The following LSS variants were observed in gnomAD, a reference collection of about 807,000 sequenced individuals.
LSS encodes 2,3-epoxysqualene-lanosterol cyclase.
Under a neutral mutation model 110.3 loss-of-function variants are expected in LSS, and 90 were observed. The observed-to-expected ratio is 0.82, with a 90% confidence interval of 0.69 to 0.97. The LOEUF (loss-of-function observed/expected upper bound fraction) is 0.97. Ranked by LOEUF, LSS falls within the 50% of genes least tolerant of loss-of-function variation. LSS has a pLI of 0.00. For synonymous variants in LSS, 433 were observed against 400.0 expected (o/e 1.08, Z -0.98); for missense variants, 927 against 990.0 (o/e 0.94, Z 0.85).
At chr21:46,219,884 G>A (rs1006288869) in intron 5 of LSS, among the ~76,000 whole-genome samples, 1 of 152,218 alleles carries the variant, frequency 6.6e-6, no homozygotes, top group Non-Finnish European at 1.5e-5. Flanking sequence ...GGAAGGTCCA[G>A]GGACACCTCA....
In LSS at chr21:46,212,021, C is replaced by G. The variant is rs1198867909; in HGVS notation, c.1137+1004G>C. 2.0e-5 allele frequency among the ~76,000 whole-genome samples: 3 copies of G among 151,094 alleles called. No individual in the cohort carries two copies. The East Asian group carries it at 5.9e-4, about 30-fold the overall frequency. On this transcript the variant is annotated intron_variant, in intron 11 of 21. Transcript: ENST00000397728. Reference sequence around the variant, plus strand: ...CAGACGCCCTCATCAGCTTGAGGTGCACTGATGAGTCGGTGCTGAGGGAGC... The same window carrying G: ...CAGACGCCCTCATCAGCTTGAGGTGGACTGATGAGTCGGTGCTGAGGGAGC...
At chr21:46,195,185 C>T (rs376944450) in intron 19 of LSS, among the ~76,000 whole-genome samples, 1 of 152,234 alleles carries the variant, frequency 6.6e-6, no homozygotes, top group South Asian at 2.1e-4. Context: ...GGGCCGGAGA[C>T]CAGAAGCGTC....
Position 46,190,818 on chromosome 21 carries a change from T to G in LSS, c.*286A>C. On this transcript the variant is annotated 3_prime_UTR_variant, in exon 22 of 22. Coordinates refer to ENST00000397728, the MANE Select transcript of LSS (RefSeq NM_002340.6). This position sits in a 1 kb window ranked among gnomAD's most constrained non-coding sequence, Gnocchi z 4.6. The stretch of plus-strand genomic sequence containing the variant: ...ACTACCTTGAGGCCGTGCCCAGAGG[T>G]GGCAGAAGGCGCTGTGCCTCCTCAG... The G allele has an allele frequency of 6.9e-6, 3 of 434,088 alleles. No homozygotes were observed. Among genetic ancestry groups the G allele is most frequent in the Non-Finnish European group, 4.2e-6 (1 of 240,408 alleles). The allele number at this position is 434,088 out of a possible 1,614,324, so 26.9% of individuals were successfully genotyped here. A position where few individuals can be genotyped will look rare whatever the true frequency, so the allele number is the denominator to read the frequency against.
intron 3 of LSS, among the ~76,000 whole-genome samples, chr21:46,225,588 G>A (rs1160917918): frequency 1.3e-5 from 2 of 152,174 alleles, no homozygotes; most frequent in Non-Finnish European, 2.9e-5. Context: ...CAGTGGTCAC[G>A]CTCCTAGTCC....
intron 20 of LSS, chr21:46,193,643 C>G (rs901166957): frequency 6.7e-6 from 3 of 444,666 alleles, no homozygotes; most frequent in African/African-American, 2.1e-5. Flanking sequence ...GTGCATCTGT[C>G]TCCATGTACC....
intron 18 of LSS, 28 bp from the exon 19 acceptor site, chr21:46,195,784 C>A: frequency 6.3e-7 from 1 of 1,576,518 alleles, no homozygotes. Context: ...GAGCCTCAGC[C>A]CTTCCACCCT....
intron 3 of LSS, among the ~76,000 whole-genome samples, chr21:46,224,466 C>T (rs1389972275): frequency 6.6e-6 from 1 of 152,128 alleles, no homozygotes; most frequent in Admixed American, 6.5e-5. Flanking sequence ...GGGAGAGACC[C>T]ACCGACCCTG....
intron 3 of LSS, 122 bp from the exon 4 acceptor site, chr21:46,222,860 C>T: frequency 1.4e-6 from 1 of 707,058 alleles, no homozygotes; most frequent in Non-Finnish European, 2.4e-6. Flanking sequence ...AAAAACACCC[C>T]CTGGAAAGGC....
intron 20 of LSS, 29 bp from the exon 21 acceptor site, chr21:46,191,988 C>T (rs1355775186): frequency 6.6e-7 from 1 of 1,512,064 alleles, no homozygotes; most frequent in Non-Finnish European, 9.2e-7. Flanking sequence ...GAAACACACC[C>T]AGCATGCATG....
chr21:46,196,397 T>A, intron 17 of LSS, 130 bp from the exon 18 acceptor site: 1 of 731,312 alleles, frequency 1.4e-6, no homozygotes, highest in Admixed American at 2.3e-5. Context: ...ATAAACAGTT[T>A]ACACAGACCG....
Position 46,209,694 on chromosome 21 carries a change from C to A in LSS, c.1195-69G>T. ...GGCCAGCATGGCTGCGCTGGTTTCC[C>A]GATGGTCCTGGCCACATCCTGCCCC... is the stretch of plus-strand genomic sequence containing the variant. On this transcript the variant is annotated intron_variant, in intron 12 of 21. Transcript: ENST00000397728. The surrounding 1 kb of genome is among the most constrained non-coding windows in gnomAD (Gnocchi z 4.4). The A allele has an allele frequency of 3.6e-6, 5 of 1,408,270 alleles. No homozygotes were observed. Among genetic ancestry groups the A allele is most frequent in the East Asian group, 4.8e-5 (2 of 41,518 alleles). 87.2% of individuals were successfully genotyped at this position (1,408,270 alleles called of 1,614,324 possible). A position where few individuals can be genotyped will look rare whatever the true frequency, so the allele number is the denominator to read the frequency against.
rs1434253320 is a variant in LSS, at chr21:46,188,552, A to G, written c.*2552T>C. ...CTTGGTGGTGTCCTTTGTCAAGAGC[A>G]TGTCAGGGTGATGAGTCATCTGGGA... is the stretch of plus-strand genomic sequence containing the variant. On this transcript the variant is annotated 3_prime_UTR_variant, in exon 22 of 22. Coordinates refer to ENST00000397728, the MANE Select transcript of LSS (RefSeq NM_002340.6). 1 of 454,750 alleles carries G rather than the reference A, an allele frequency of 2.2e-6. No homozygotes were observed. Among genetic ancestry groups the G allele is most frequent in the East Asian group, 7.0e-5 (1 of 14,304 alleles). The allele number at this position is 454,750 out of a possible 1,614,324, so 28.2% of individuals were successfully genotyped here.
chr21:46,221,816 A>G, intron 5 of LSS, 38 bp downstream of exon 5: 2 of 1,612,804 alleles, frequency 1.2e-6, no homozygotes, highest in Non-Finnish European at 1.7e-6. Context: ...TCGAGTTGAC[A>G]CGAACCCCTG....
Position 46,221,936 on chromosome 21 carries a change from G to C in LSS, c.468C>G (p.Leu156=). The part of the protein sequence containing the change: ...EDKSTVFGTA[L]NYVSLRILGV... Reference sequence around the variant, plus strand: ...CCAGAATTCTGAGAGACACATAGTTGAGCGCAGTCCCAAACACGGTGGACT... The same window carrying C: ...CCAGAATTCTGAGAGACACATAGTTCAGCGCAGTCCCAAACACGGTGGACT... Residue 156 remains leucine (L), a synonymous_variant, in exon 5 of 22, where the codon CTC becomes CTG. Coordinates refer to ENST00000397728, the MANE Select transcript of LSS (RefSeq NM_002340.6). 6.2e-7 allele frequency: 1 copy of C among 1,614,176 alleles called. No individual in the cohort carries two copies. The highest frequency in any genetic ancestry group is 8.5e-7 in the Non-Finnish European group (1 of 1,180,012).
chr21:46,210,688 C>T lies in LSS; in HGVS notation c.1194G>A (p.Glu398=), dbSNP rs2123731194. 2 of 1,613,902 alleles carry T rather than the reference C, an allele frequency of 1.2e-6. No individual in the cohort carries two copies. The highest frequency in any genetic ancestry group is 1.1e-5 in the South Asian group (1 of 91,042). ...TGAGAAAAGAGAAGGAGCCACGAAC[C>T]TCAAGCAGAGCCTGGATGGCGAATG... ...DTAFAIQALL[E]AGGHHRPEFS... Residue 398 remains glutamate, a splice_region_variant and synonymous_variant, in exon 12 of 22, where the codon GAG becomes GAA. Coordinates refer to ENST00000397728, the MANE Select transcript of LSS (RefSeq NM_002340.6).
At position 46,228,757 on chromosome 21, in the gene LSS, T is replaced by C. The variant is rs2080392834; in HGVS notation, c.-12A>G. 1 of 1,584,570 alleles carries C rather than the reference T, an allele frequency of 6.3e-7. No individual in the cohort carries two copies. The highest frequency in any genetic ancestry group is 8.5e-7 in the Non-Finnish European group (1 of 1,171,842). On this transcript the variant is annotated 5_prime_UTR_variant, in exon 1 of 22. Coordinates refer to ENST00000397728, the MANE Select transcript of LSS (RefSeq NM_002340.6). The stretch of plus-strand genomic sequence containing the variant: ...GTGCCCTCCGTCATTGCTGCTGCAG[T>C]GCTCTACGCCGCCCACTGCCAGCTG...
chr21:46,196,513 G>C, intron 17 of LSS: 2 of 528,158 alleles, frequency 3.8e-6, no homozygotes, highest in Non-Finnish European at 3.4e-6. Flanking sequence ...GGAAGCCCCT[G>C]CAGACACAGC....
rs550306675 is a variant in LSS, at chr21:46,209,723, C to T, written c.1195-98G>A. ...GGTCCTGGCCACATCCTGCCCCAAC[C>T]GGGGACCAGAATCAAACCAGCAGAC... On this transcript the variant is annotated intron_variant, in intron 12 of 21. Coordinates refer to ENST00000397728, the MANE Select transcript of LSS (RefSeq NM_002340.6). This position sits in a 1 kb window ranked among gnomAD's most constrained non-coding sequence, Gnocchi z 4.4. The T allele has an allele frequency of 3.5e-5, 35 of 1,013,072 alleles. No individual in the cohort carries two copies. The African/African-American group carries it at 4.4e-4, about 13-fold the overall frequency. 62.8% of individuals were successfully genotyped at this position (1,013,072 alleles called of 1,614,324 possible). A position where few individuals can be genotyped will look rare whatever the true frequency, so the allele number is the denominator to read the frequency against.
chr21:46,207,191 C>T (rs1408116413), intron 15 of LSS, among the ~76,000 whole-genome samples: 2 of 152,250 alleles, frequency 1.3e-5, no homozygotes, highest in Admixed American at 6.5e-5. Context: ...CCCCAAGTAT[C>T]GGTGGCTGGG....
Sources: gnomAD v4.1 joint callset for allele counts (sites outside exome capture counted in the v4.1 genomes callset) on GRCh38, gnomAD v4.1.1 for gene constraint, Gnocchi (gnomAD v3.1) non-coding constraint, MANE v1.5 for transcripts, NCBI Gene and HGNC (gene_info 2026-07-23, HGNC 2026-07-21) for gene names.